The following TYW1 variants were observed in gnomAD, a reference collection of about 807,000 sequenced individuals.
TYW1 encodes S-adenosyl-L-methionine-dependent tRNA 4-demethylwyosine synthase TYW1.
TYW1 carries 46 observed loss-of-function variants against 96.2 expected under a neutral mutation model. The ratio of observed to expected loss-of-function variants is 0.48; its 90% CI spans 0.38 to 0.61. The LOEUF is 0.61. Ranked by LOEUF, TYW1 falls within the 20% of genes least tolerant of loss-of-function variation. TYW1 has a pLI of 0.00. For synonymous variants in TYW1, 274 were observed against 323.0 expected (o/e 0.85, Z 1.63); for missense variants, 684 against 909.6 (o/e 0.75, Z 3.19).
chr7:67,135,457 A>G (rs1375875300), intron 13 of TYW1, among the ~76,000 whole-genome samples: 1 of 151,750 alleles, frequency 6.6e-6, no homozygotes, highest in Non-Finnish European at 1.5e-5. Flanking sequence ...GGCACATGCC[A>G]CCACACTGGC....
intron 12 of TYW1, among the ~76,000 whole-genome samples, chr7:67,105,886 C>CT (rs11330425): frequency 0.062 from 3,833 of 61,502 alleles, 74 homozygotes; most frequent in Middle Eastern, 0.085. Context: ...AGAGAATATT[C>CT]TTTTTTTTTT....
intron 6 of TYW1, among the ~76,000 whole-genome samples, chr7:67,020,695 TC>T (rs1488210042): frequency 6.6e-5 from 10 of 152,278 alleles, no homozygotes; most frequent in Non-Finnish European, 1.5e-4. Flanking sequence ...TTCTCTCTCT[TC>T]CTCTCCAGCC....
At chr7:67,184,634 T>TTATG in intron 14 of TYW1, among the ~76,000 whole-genome samples, 4 of 61,728 alleles carry the variant, frequency 6.5e-5, no homozygotes, top group Non-Finnish European at 1.2e-4. Context: ...TTTATTTTAT[T>TTATG]TTATTTTATT....
chr7:67,018,972 AAG>A (rs1427190188), intron 6 of TYW1, among the ~76,000 whole-genome samples: 30 of 98,928 alleles, frequency 3.0e-4, no homozygotes, highest in East Asian at 4.9e-4. Flanking sequence ...AAAAAAAAAA[AAG>A]AAAAAAACAA....
chr7:67,071,990 C>T (rs1228390853), intron 10 of TYW1, among the ~76,000 whole-genome samples: 1 of 149,564 alleles, frequency 6.7e-6, no homozygotes, highest in East Asian at 1.9e-4. Flanking sequence ...CCTGCTTGTG[C>T]TGAGCCTAAA....
intron 7 of TYW1, among the ~76,000 whole-genome samples, chr7:67,037,554 TTTAGAGG>T (rs1441478302): frequency 6.6e-6 from 1 of 150,988 alleles, no homozygotes; most frequent in Non-Finnish European, 1.5e-5. Flanking sequence ...TGTTCAAGGA[TTTAGAGG>T]TTAATTTTCC....
Position 67,025,997 on chromosome 7 carries a change from A to G in TYW1, c.984+975A>G, listed in dbSNP as rs142998292. Among the ~76,000 whole-genome samples the G allele has an allele frequency of 2.3e-4, 35 of 152,364 alleles. 1 individual carries two copies. In the East Asian group the frequency reaches 6.7e-3, roughly 29 times the overall value. ...GACTTTATATTTCCAAACAATAGCC[A>G]GTTAGAAGCTATAGTAAAAGAGAAC... On this transcript the variant is annotated intron_variant, in intron 7 of 15. Coordinates refer to ENST00000359626, the MANE Select transcript of TYW1 (RefSeq NM_018264.4).
intron 7 of TYW1, among the ~76,000 whole-genome samples, chr7:67,031,192 CAA>C (rs60531853): frequency 3.7e-5 from 4 of 107,806 alleles, no homozygotes; most frequent in African/African-American, 1.2e-4. Flanking sequence ...GACTCCATCT[CAA>C]AAAAAAAAAA....
chr7:67,155,032 A>G (rs1453971677), intron 13 of TYW1, among the ~76,000 whole-genome samples: 1 of 152,016 alleles, frequency 6.6e-6, no homozygotes, highest in Non-Finnish European at 1.5e-5. Context: ...ATTTGGTTCT[A>G]TTTTAGGATA....
chr7:67,168,642 C>G (rs1799424977), intron 13 of TYW1, among the ~76,000 whole-genome samples: 1 of 152,068 alleles, frequency 6.6e-6, no homozygotes, highest in South Asian at 2.1e-4. Flanking sequence ...ATATCAAATG[C>G]CAATTTGATA....
intron 13 of TYW1, among the ~76,000 whole-genome samples, chr7:67,168,677 G>T (rs2690164): frequency 6.6e-6 from 1 of 151,868 alleles, no homozygotes; most frequent in Non-Finnish European, 1.5e-5. Flanking sequence ...CTCATTCCTA[G>T]TAATAGTATG....
At chr7:67,127,950 C>A (rs1043248634) in intron 13 of TYW1, among the ~76,000 whole-genome samples, 3 of 151,340 alleles carry the variant, frequency 2.0e-5, no homozygotes, top group African/African-American at 7.3e-5. Flanking sequence ...GGCTTTTTTC[C>A]CTCTGTCTTC....
intron 13 of TYW1, among the ~76,000 whole-genome samples, chr7:67,149,374 T>G (rs1482748180): frequency 2.0e-5 from 3 of 152,208 alleles, no homozygotes; most frequent in African/African-American, 7.2e-5. Context: ...TCTATTTGAT[T>G]TATGGCAGTG....
At chr7:67,037,080 G>A (rs1308328158) in intron 7 of TYW1, among the ~76,000 whole-genome samples, 1 of 152,158 alleles carries the variant, frequency 6.6e-6, no homozygotes, top group Non-Finnish European at 1.5e-5. Flanking sequence ...TGCCTCTGTG[G>A]TAAGGCTCAG....
At chr7:67,058,890 A>G (rs1399641661) in intron 9 of TYW1, among the ~76,000 whole-genome samples, 1 of 152,068 alleles carries the variant, frequency 6.6e-6, no homozygotes, top group Non-Finnish European at 1.5e-5. Flanking sequence ...ATGGATATCC[A>G]GTTGTTTTGG....
chr7:67,118,837 G>A (rs1190271142), intron 13 of TYW1, among the ~76,000 whole-genome samples: 12 of 133,180 alleles, frequency 9.0e-5, no homozygotes, highest in Middle Eastern at 4.7e-3. Context: ...CCGAGATTGC[G>A]CCACTGCACT....
rs191870213 is a variant in TYW1, at chr7:67,002,231, T to C, written c.273+3277T>C. Among the ~76,000 whole-genome samples the C allele has an allele frequency of 3.7e-3, 562 of 151,814 alleles. 7 individuals carry two copies. The highest frequency in any genetic ancestry group is 0.013 in the African/African-American group (535 of 41,472). ...CTGGGCTAATTAAAAAAATTTTTTT[T>C]GTAGAGATGGGGTCTCCTTATGTTG... On this transcript the variant is annotated intron_variant, in intron 3 of 15. Coordinates refer to ENST00000359626, the MANE Select transcript of TYW1 (RefSeq NM_018264.4).
intron 7 of TYW1, among the ~76,000 whole-genome samples, chr7:67,046,411 C>T (rs117122418): frequency 6.6e-6 from 1 of 152,270 alleles, no homozygotes; most frequent in East Asian, 1.9e-4. Flanking sequence ...TAGTTTACTA[C>T]ACATAATTGA....
chr7:67,006,832 A>C (rs1309021838), intron 3 of TYW1, among the ~76,000 whole-genome samples: 4 of 151,684 alleles, frequency 2.6e-5, no homozygotes, highest in Non-Finnish European at 5.9e-5. Context: ...CAGGCTCTAC[A>C]AGCATGGTGC....
Sources: gnomAD v4.1 joint callset for allele counts (sites outside exome capture counted in the v4.1 genomes callset) on GRCh38, gnomAD v4.1.1 for gene constraint, MANE v1.5 for transcripts, NCBI Gene and HGNC (gene_info 2026-07-23, HGNC 2026-07-21) for gene names.